NRXN3: variants seen among roughly 807,000 people sequenced by gnomAD.
NRXN3 encodes the protein neurexin III.
In NRXN3, 32 loss-of-function variants were observed where a neutral mutation model predicts 137.6. The ratio of observed to expected loss-of-function variants is 0.23; its 90% CI spans 0.18 to 0.31. The LOEUF (loss-of-function observed/expected upper bound fraction) is 0.31, where lower values mean the gene tolerates loss of function less well. NRXN3 is among the 10% of genes least tolerant of loss of function. The pLI is 1.00. For missense variants in NRXN3, 1,574 were observed against 2,062.5 expected (o/e 0.76, Z 4.59); for synonymous variants, 798 against 784.5 (o/e 1.02, Z -0.29).
At chr14:78,664,062 C>T (rs959413727) in intron 6 of NRXN3, among the ~76,000 whole-genome samples, 1 of 152,180 alleles carries the variant, frequency 6.6e-6, no homozygotes, top group African/African-American at 2.4e-5. Context: ...GATACAAGGA[C>T]ACATTTTTCA....
intron 4 of NRXN3, among the ~76,000 whole-genome samples, chr14:78,443,022 G>A (rs371870004): frequency 6.6e-6 from 1 of 152,306 alleles, no homozygotes; most frequent in African/African-American, 2.4e-5. Context: ...TGACCATACA[G>A]CAGATGTGGT....
chr14:78,634,592 A>G (rs1188546348), intron 4 of NRXN3, among the ~76,000 whole-genome samples: 3 of 152,208 alleles, frequency 2.0e-5, no homozygotes, highest in African/African-American at 7.2e-5. Context: ...GGATATTGCA[A>G]ACATTGCTTT....
chr14:79,183,430 G>A (rs4636834), intron 15 of NRXN3, among the ~76,000 whole-genome samples: 85,356 of 151,984 alleles, frequency 0.56, 25,313 homozygotes, highest in South Asian at 0.69. Flanking sequence ...AATGTAAGAT[G>A]GTTGAAAAGA....
chr14:78,526,912 T>C lies in NRXN3; in HGVS notation c.758-118208T>C, dbSNP rs565001718. On this transcript the variant is annotated intron_variant, in intron 4 of 20. Transcript: ENST00000335750. ...CAGTTTTCACACCTGGCTGTATGAA[T>C]TTATTCCATCTCAGTGAGGGCCAAA... The C allele has an allele frequency of 1.1e-4, 46 of 414,450 alleles. 1 individual carries two copies. In the East Asian group the frequency reaches 3.0e-3, roughly 27 times the overall value. 25.7% of individuals were successfully genotyped at this position (414,450 alleles called of 1,614,324 possible).
At chr14:78,622,409 TTTTGTTTG>T (rs1020882120) in intron 4 of NRXN3, among the ~76,000 whole-genome samples, 2 of 152,162 alleles carry the variant, frequency 1.3e-5, no homozygotes, top group African/African-American at 2.4e-5. Flanking sequence ...TCATCCTGTT[TTTTGTTTG>T]TTTGTTTGTT....
chr14:79,206,439 A>T (rs2066796999), intron 15 of NRXN3, among the ~76,000 whole-genome samples: 1 of 152,200 alleles, frequency 6.6e-6, no homozygotes, highest in Non-Finnish European at 1.5e-5. Flanking sequence ...GCTGTGTGTC[A>T]GTGACAAGGG....
chr14:79,574,629 A>G (rs1023644389), intron 16 of NRXN3, among the ~76,000 whole-genome samples: 2 of 152,092 alleles, frequency 1.3e-5, no homozygotes, highest in African/African-American at 4.8e-5. Context: ...GAGTATCCTC[A>G]GACGTGGTGG....
chr14:79,455,909 G>C (rs994725451), intron 15 of NRXN3, among the ~76,000 whole-genome samples: 4 of 151,460 alleles, frequency 2.6e-5, no homozygotes, highest in African/African-American at 9.7e-5. Context: ...TCTTATTTTT[G>C]TAATAGTGCA....
intron 15 of NRXN3, among the ~76,000 whole-genome samples, chr14:79,297,318 C>T (rs1407486051): frequency 6.6e-6 from 1 of 152,056 alleles, no homozygotes; most frequent in Non-Finnish European, 1.5e-5. Context: ...TGCAAGACAG[C>T]CAATTAAATT....
chr14:79,264,711 A>G (rs2078182061), intron 15 of NRXN3, among the ~76,000 whole-genome samples: 1 of 152,210 alleles, frequency 6.6e-6, no homozygotes, highest in Admixed American at 6.5e-5. Flanking sequence ...AGGAATTTTA[A>G]GAGAACACAA....
Position 78,340,039 on chromosome 14 carries a change from A to G in NRXN3, c.757+42179A>G, listed in dbSNP as rs556324925. The stretch of plus-strand genomic sequence containing the variant: ...GCAAGAATGAGTGAGAAGATAGCAA[A>G]AAAGAAAGCTGTTCATGGCTTAGAA... On this transcript the variant is annotated intron_variant, in intron 4 of 20. Coordinates refer to ENST00000335750, the MANE Select transcript of NRXN3 (RefSeq NM_001330195.2). Among the ~76,000 whole-genome samples, 12 of 152,314 alleles carry G rather than the reference A, an allele frequency of 7.9e-5. No homozygotes were observed. The South Asian group carries it at 2.3e-3, about 29-fold the overall frequency.
intron 6 of NRXN3, among the ~76,000 whole-genome samples, chr14:78,694,704 A>G (rs1299506920): frequency 6.6e-6 from 1 of 151,922 alleles, no homozygotes; most frequent in Non-Finnish European, 1.5e-5. Context: ...GGAAATTTAA[A>G]TGCTGGAGAC....
rs1033017474 is a variant in NRXN3, at chr14:78,170,464, C to G, written c.-914C>G. 3.3e-5 allele frequency: 5 copies of G among 152,260 alleles called. No homozygotes were observed. Among genetic ancestry groups the G allele is most frequent in the African/African-American group, 1.2e-4 (5 of 41,426 alleles). The allele number at this position is 152,260 out of a possible 1,614,324, so 9.4% of individuals were successfully genotyped here. ...AACCTGTCCTCCCCTCTCTCAGCCT[C>G]GGCATCTCCAGCCACCAAGGACCTG... On this transcript the variant is annotated 5_prime_UTR_variant, in exon 1 of 21. Transcript: ENST00000335750.
intron 4 of NRXN3, among the ~76,000 whole-genome samples, chr14:78,502,688 C>A (rs1290408116): frequency 6.6e-6 from 1 of 152,190 alleles, no homozygotes; most frequent in Non-Finnish European, 1.5e-5. Flanking sequence ...ACCTTAGCTA[C>A]TTTGATATGA....
chr14:78,631,675 C>G (rs571183902), intron 4 of NRXN3, among the ~76,000 whole-genome samples: 1 of 152,322 alleles, frequency 6.6e-6, no homozygotes, highest in South Asian at 2.1e-4. Context: ...ATTTCCCTTT[C>G]TGCAGCTACC....
intron 15 of NRXN3, among the ~76,000 whole-genome samples, chr14:79,380,144 T>C (rs2094423797): frequency 3.2e-5 from 2 of 62,528 alleles, no homozygotes; most frequent in African/African-American, 4.8e-5. Flanking sequence ...CTAGATATAC[T>C]TCTTCTTTTT....
At chr14:79,265,018 A>C (rs1250230668) in intron 15 of NRXN3, among the ~76,000 whole-genome samples, 1 of 152,136 alleles carries the variant, frequency 6.6e-6, no homozygotes, top group African/African-American at 2.4e-5. Flanking sequence ...GATGTTGTAT[A>C]AAATAAATTA....
chr14:78,506,704 G>A (rs1282489024), intron 4 of NRXN3, among the ~76,000 whole-genome samples: 1 of 142,732 alleles, frequency 7.0e-6, no homozygotes, highest in African/African-American at 2.6e-5. Flanking sequence ...TGTTGTACAG[G>A]CTGGAGGGCA....
intron 4 of NRXN3, among the ~76,000 whole-genome samples, chr14:78,626,460 C>G (rs2097459299): frequency 6.6e-6 from 1 of 152,124 alleles, no homozygotes; most frequent in Admixed American, 6.5e-5. Context: ...CTTCAAAATA[C>G]ATATAAAGAA....
Sources: gnomAD v4.1 joint callset for allele counts (sites outside exome capture counted in the v4.1 genomes callset) on GRCh38, gnomAD v4.1.1 for gene constraint, MANE v1.5 for transcripts, NCBI Gene and HGNC (gene_info 2026-07-23, HGNC 2026-07-21) for gene names.